Variants in HUWE1 observed in about 807,000 individuals in gnomAD.
HUWE1 encodes the protein HECT, UBA and WWE domain containing E3 ubiquitin protein ligase 1.
A neutral mutation model predicts 299.4 loss-of-function variants in HUWE1; 18 were observed. The ratio of observed to expected loss-of-function variants is 0.06; its 90% confidence interval spans 0.04 to 0.09. HUWE1 has a LOEUF of 0.09. HUWE1 is among the 10% of genes least tolerant of loss of function. HUWE1 has a pLI of 1.00. For synonymous variants in HUWE1, 1,317 were observed against 1,286.1 expected (o/e 1.02, Z -0.51); for missense variants, 1,832 against 3,462.3 (o/e 0.53, Z 11.82).
chrX:53,538,941 G>C lies in HUWE1; in HGVS notation c.11772C>G (p.Thr3924=). ...GGTCAAGGGAGGAAGGCGTGGCTGG[G>C]GTTAAGGGGGCAGGGGAGAGTGGAG... is the stretch of plus-strand genomic sequence containing the variant. The part of the protein sequence containing the change: ...EPPPLSPAPL[T]PATPSSLDPF... Residue 3924 remains threonine, a synonymous_variant, in exon 76 of 84, where the codon ACC becomes ACG. Transcript: ENST00000262854. 1 of 1,209,058 alleles carries C rather than the reference G, an allele frequency of 8.3e-7. No homozygotes were observed. Among genetic ancestry groups the C allele is most frequent in the Admixed American group, 2.2e-5 (1 of 45,742 alleles).
intron 7 of HUWE1, among the ~76,000 whole-genome samples, chrX:53,639,431 A>G (rs2067429358): frequency 8.9e-6 from 1 of 111,882 alleles, no homozygotes; most frequent in Non-Finnish European, 1.9e-5. Context: ...GAACTTGAGT[A>G]AAATATGGTA....
chrX:53,568,656 G>A (rs2062682914), intron 49 of HUWE1, 36 bp downstream of exon 49: 1 of 1,177,237 alleles, frequency 8.5e-7, no homozygotes, highest in African/African-American at 1.7e-5. Context: ...TGAGGCTGAA[G>A]AGAAGGAAAA....
Position 53,593,345 on chromosome X carries a change from T to G in HUWE1, c.3741+19A>C. The G allele has an allele frequency of 9.4e-7, 1 of 1,064,515 alleles. No homozygotes were observed. Among genetic ancestry groups the G allele is most frequent in the Non-Finnish European group, 1.3e-6 (1 of 761,568 alleles). The allele number at this position is 1,064,515 out of a possible 1,213,427, so 87.7% of individuals were successfully genotyped here. On this transcript the variant is annotated intron_variant, in intron 32 of 83. Transcript: ENST00000262854. ...TAGCATGAGAAATTCCTTTTGATTT[T>G]AGAATACTGAATACTCACTTTCTGA... is the stretch of plus-strand genomic sequence containing the variant.
In HUWE1 at chrX:53,584,308, A is replaced by G; in HGVS notation, c.5039T>C (p.Leu1680Pro). The change falls in exon 41 of 84, where the codon CTG (leucine) becomes CCG (proline). Residue 1680 changes from leucine (L) to proline (P), a missense_variant. This residue lies in a region of HUWE1 where 658 missense variants were observed against 1,282.6 expected (regional missense o/e 0.51). Coordinates refer to ENST00000262854, the MANE Select transcript of HUWE1 (RefSeq NM_031407.7). ...CAGCCGAGGTACCCTGAGGAGAGTC[A>G]GCATCACAGGGCGTCGGTTCCCTGT... is the stretch of plus-strand genomic sequence containing the variant. ...EETGNRRPVMLTLLRVPRLNK... is the reference protein window; with the variant it reads ...EETGNRRPVMPTLLRVPRLNK... 8.3e-7 allele frequency: 1 copy of G among 1,207,616 alleles called. No individual in the cohort carries two copies. Among genetic ancestry groups the G allele is most frequent in the African/African-American group, 1.7e-5 (1 of 57,609 alleles).
chrX:53,664,451 C>T (rs782595881), intron 3 of HUWE1, among the ~76,000 whole-genome samples: 4 of 111,663 alleles, frequency 3.6e-5, no homozygotes, highest in Non-Finnish European at 7.5e-5. Flanking sequence ...TTAGCTGCTG[C>T]CTACTCTAGG....
At position 53,595,237 on chromosome X, in the gene HUWE1, A is replaced by G. The variant is rs781845953; in HGVS notation, c.3330T>C (p.Thr1110=). The G allele has an allele frequency of 5.8e-6, 7 of 1,209,243 alleles. No individual in the cohort carries two copies. The highest frequency in any genetic ancestry group is 7.8e-6 in the Non-Finnish European group (7 of 895,046). The part of the protein sequence containing the change: ...STASALTKLL[T]KGLSWQPPPY... ...GTGGGGGCTGCCAAGATAACCCCTT[A>G]GTCAAGAGCTTAGTGAGAGCTGAGG... The change falls in exon 30 of 84, where the codon ACT becomes ACC. Residue 1110 remains threonine (T), a synonymous_variant. Coordinates refer to ENST00000262854, the MANE Select transcript of HUWE1 (RefSeq NM_031407.7).
intron 19 of HUWE1, among the ~76,000 whole-genome samples, chrX:53,619,941 C>T (rs147975396): frequency 0.011 from 1,266 of 112,069 alleles, 21 homozygotes; most frequent in African/African-American, 0.039. Flanking sequence ...GTCGTGCCAT[C>T]GGCATCATCA....
chrX:53,583,497 AC>A, intron 42 of HUWE1, 60 bp downstream of exon 42: 1 of 814,944 alleles, frequency 1.2e-6, no homozygotes, highest in Non-Finnish European at 1.9e-6. Flanking sequence ...TTGTTCTCAG[AC>A]CAAGGAGAAC....
At chrX:53,595,044 C>T in intron 30 of HUWE1, 143 bp downstream of exon 30, 1 of 513,365 alleles carries the variant, frequency 1.9e-6, no homozygotes, top group South Asian at 3.1e-5. Context: ...AAACAAGTAA[C>T]TTACACTTCA....
chrX:53,612,163 A>G (rs1179618180), intron 23 of HUWE1, among the ~76,000 whole-genome samples: 5 of 112,159 alleles, frequency 4.5e-5, no homozygotes, highest in African/African-American at 1.6e-4. Flanking sequence ...AAGTTTAGAC[A>G]GTCTCTTGCT....
At chrX:53,638,166 C>T (rs1195440156) in intron 7 of HUWE1, among the ~76,000 whole-genome samples, 2 of 110,716 alleles carry the variant, frequency 1.8e-5, no homozygotes, top group Admixed American at 9.6e-5. Context: ...GGTGAAACCC[C>T]ATCTCCACTA....
In HUWE1 at chrX:53,534,677, C is replaced by T. The variant is rs782817765; in HGVS notation, c.12670G>A (p.Ala4224Thr). ...TCATAGAAGCCTTCTAAGAAAGCCG[C>T]CAACTGCTTGCGGATGGCTCCTGGT... The part of the protein sequence containing the change: ...RMTGAIRKQL[A>T]AFLEGFYEII... Residue 4224 changes from alanine (A) to threonine (T), a missense_variant, in exon 82 of 84, where the codon GCG (alanine) becomes ACG (threonine). Coordinates refer to ENST00000262854, the MANE Select transcript of HUWE1 (RefSeq NM_031407.7). 1 of 1,211,042 alleles carries T rather than the reference C, an allele frequency of 8.3e-7. No homozygotes were observed. The highest frequency in any genetic ancestry group is 1.1e-6 in the Non-Finnish European group (1 of 895,279).
In HUWE1 at chrX:53,559,028, G is replaced by A. The variant is rs782650802; in HGVS notation, c.7948C>T (p.Arg2650Cys). Residue 2650 changes from arginine (R) to cysteine (C), a missense_variant, in exon 58 of 84, where the codon CGC becomes TGC. Around this residue, in one of 15 missense-constraint regions of HUWE1, gnomAD observed 170 missense variants for 335.8 expected, o/e 0.51. Coordinates refer to ENST00000262854, the MANE Select transcript of HUWE1 (RefSeq NM_031407.7). ...TLSSIPTALT[R>C]WTEECKVLDA... is the part of the protein sequence containing the mutation. ...AGAACTTTGCATTCTTCTGTCCAGC[G>A]GGTCAGGGCTGTGGGGATGCTGGAC... 3.4e-6 allele frequency: 4 copies of A among 1,169,667 alleles called. No individual in the cohort carries two copies. Among genetic ancestry groups the A allele is most frequent in the East Asian group, 3.2e-5 (1 of 31,144 alleles).
chrX:53,673,715 T>G (rs1426600754), intron 3 of HUWE1, among the ~76,000 whole-genome samples: 1 of 111,973 alleles, frequency 8.9e-6, no homozygotes, highest in African/African-American at 3.3e-5. Flanking sequence ...GACACTCAAC[T>G]TGTGTTACTT....
intron 3 of HUWE1, among the ~76,000 whole-genome samples, chrX:53,665,396 C>T (rs903963285): frequency 5.3e-5 from 6 of 112,350 alleles, no homozygotes; most frequent in South Asian, 3.7e-4. Flanking sequence ...TTTATGCTGG[C>T]TCTGGGTGTT....
intron 3 of HUWE1, among the ~76,000 whole-genome samples, chrX:53,662,022 G>A (rs1272540784): frequency 2.7e-5 from 3 of 111,799 alleles, no homozygotes; most frequent in African/African-American, 9.8e-5. Flanking sequence ...CAGGACACCT[G>A]TAGTTCCCAA....
chrX:53,604,518 C>G, intron 26 of HUWE1, 71 bp downstream of exon 26: 1 of 1,110,701 alleles, frequency 9.0e-7, no homozygotes, highest in Non-Finnish European at 1.2e-6. Context: ...GCATAGTAAC[C>G]CTGCTAGGTG....
intron 30 of HUWE1, 140 bp from the exon 31 acceptor site, chrX:53,594,761 T>C (rs2064363372): frequency 3.4e-6 from 2 of 590,215 alleles, no homozygotes; most frequent in Non-Finnish European, 5.5e-6. Context: ...AGGATGAGTA[T>C]CCCTATCAGA....
chrX:53,600,230 G>A lies in HUWE1; in HGVS notation c.3051C>T (p.Asp1017=). The part of the protein sequence containing the change: ...GLLEGIGLDG[D]TLAPMETDEP... ...CATCTGTCTCCATGGGAGCCAATGT[G>A]TCACCATCTAGCCCAATGCCTTCTA... Residue 1017 remains aspartate (D), a synonymous_variant, in exon 29 of 84, where the codon GAC becomes GAT. Coordinates refer to ENST00000262854, the MANE Select transcript of HUWE1 (RefSeq NM_031407.7). 1 of 1,208,996 alleles carries A rather than the reference G, an allele frequency of 8.3e-7. No homozygotes were observed. Among genetic ancestry groups the A allele is most frequent in the African/African-American group, 1.7e-5 (1 of 57,779 alleles).
Sources: allele counts gnomAD v4.1 joint callset (sites outside exome capture counted in the v4.1 genomes callset), GRCh38; gene constraint gnomAD v4.1.1; regional missense constraint gnomAD v4.1.1; transcripts MANE v1.5; gene names NCBI Gene and HGNC (gene_info 2026-07-23, HGNC 2026-07-21).